The following ADARB2 variants were observed in gnomAD, a reference collection of about 807,000 sequenced individuals.
The protein encoded by ADARB2 is inactive double-stranded RNA-specific editase B2.
Under a neutral mutation model 62.2 loss-of-function variants are expected in ADARB2, and 25 were observed. The ratio of observed to expected loss-of-function variants is 0.40; its 90% CI spans 0.29 to 0.56. The LOEUF is 0.56. Among genes scored for constraint, ADARB2 ranks in the 20% least tolerant of loss-of-function variants. ADARB2 has a pLI of 0.43. For synonymous variants in ADARB2, 572 were observed against 500.8 expected (o/e 1.14, Z -1.90); for missense variants, 1,071 against 1,077.4 (o/e 0.99, Z 0.08).
chr10:1,521,121 C>G (rs1378749931), intron 1 of ADARB2, among the ~76,000 whole-genome samples: 1 of 152,112 alleles, frequency 6.6e-6, no homozygotes, highest in Non-Finnish European at 1.5e-5. Context: ...TACAGGCGGC[C>G]CGGAGTCGGG....
chr10:1,657,234 A>T (rs1834183204), intron 1 of ADARB2, among the ~76,000 whole-genome samples: 1 of 152,220 alleles, frequency 6.6e-6, no homozygotes, highest in Non-Finnish European at 1.5e-5. Flanking sequence ...GCAAAAAGTT[A>T]TTAAGCAAAG....
chr10:1,223,945 G>A lies in ADARB2; in HGVS notation c.1514-6826C>T, dbSNP rs189499872. Among the ~76,000 whole-genome samples, 348 of 152,326 alleles carry A rather than the reference G, an allele frequency of 2.3e-3. 1 individual carries two copies. The highest frequency in any genetic ancestry group is 7.7e-3 in the African/African-American group (318 of 41,556). The stretch of plus-strand genomic sequence containing the variant: ...GGATGATGCTGGCCTCGTAAAATGC[G>A]TTAGGGAGGATTCCCTCTTTTTCTA... On this transcript the variant is annotated intron_variant, in intron 6 of 9. Coordinates refer to ENST00000381312, the MANE Select transcript of ADARB2 (RefSeq NM_018702.4).
chr10:1,227,531 A>C (rs1830759417), intron 6 of ADARB2, among the ~76,000 whole-genome samples: 1 of 152,214 alleles, frequency 6.6e-6, no homozygotes, highest in African/African-American at 2.4e-5. Context: ...AGCTGTTCCT[A>C]TTCGGCCATC....
chr10:1,505,587 A>G (rs1831835055), intron 1 of ADARB2, among the ~76,000 whole-genome samples: 2 of 152,130 alleles, frequency 1.3e-5, no homozygotes. Context: ...TAGCCTCACC[A>G]TGCCCCAGCC....
At chr10:1,445,422 C>T (rs1830958326) in intron 1 of ADARB2, among the ~76,000 whole-genome samples, 1 of 150,260 alleles carries the variant, frequency 6.7e-6, no homozygotes, top group African/African-American at 2.4e-5. Flanking sequence ...TCCATCCTTC[C>T]ATCTATCCAC....
intron 4 of ADARB2, among the ~76,000 whole-genome samples, chr10:1,254,470 A>G (rs1831063300): frequency 6.6e-6 from 1 of 152,196 alleles, no homozygotes; most frequent in Non-Finnish European, 1.5e-5. Context: ...TGATCAGAGG[A>G]ATCTTTTGGT....
chr10:1,418,858 T>G (rs919328535), intron 1 of ADARB2, among the ~76,000 whole-genome samples: 36 of 152,172 alleles, frequency 2.4e-4, no homozygotes, highest in African/African-American at 8.7e-4. Context: ...TTTTTGTCAG[T>G]TGTCTTGGAA....
rs199719761 is a variant in ADARB2 at position 1,669,509 on chromosome 10, G to GAC, written c.100+67540_100+67541dup. On this transcript the variant is annotated intron_variant, in intron 1 of 9. Coordinates refer to ENST00000381312, the MANE Select transcript of ADARB2 (RefSeq NM_018702.4). ...ACACACTCACAGGGAGACACAGCTAGACACACAGACACACTCACAGAGAAA... is the reference window on the plus strand; with the variant it reads ...ACACACTCACAGGGAGACACAGCTAGACACACACAGACACACTCACAGAGAAA... Among the ~76,000 whole-genome samples, 497 of 149,664 alleles carry GAC rather than the reference G, an allele frequency of 3.3e-3. 4 individuals are homozygous for GAC. Among genetic ancestry groups the GAC allele is most frequent in the African/African-American group, 0.012 (470 of 40,606 alleles).
chr10:1,537,149 C>T (rs1433985898), intron 1 of ADARB2, among the ~76,000 whole-genome samples: 1 of 152,052 alleles, frequency 6.6e-6, no homozygotes, highest in African/African-American at 2.4e-5. Flanking sequence ...AAAAGTCGGC[C>T]AAGGATATGA....
chr10:1,233,973 TTTTCC>T lies in ADARB2; in HGVS notation c.1362-133_1362-129del, dbSNP rs1250884498. ...TTTTCCTTTATATTTTTCCTTTTTT[TTTTCC>T]TTTTTTTTTTGAGACGGAGTCTTGT... On this transcript the variant is annotated intron_variant, in intron 5 of 9. Transcript: ENST00000381312. 4,565 of 833,766 alleles carry T rather than the reference TTTTCC, an allele frequency of 5.5e-3. 19 individuals carry two copies. Among genetic ancestry groups the T allele is most frequent in the South Asian group, 0.012 (412 of 34,440 alleles). The allele number at this position is 833,766 out of a possible 1,614,324, so 51.6% of individuals were successfully genotyped here. A position where few individuals can be genotyped will look rare whatever the true frequency, so the allele number is the denominator to read the frequency against.
intron 1 of ADARB2, among the ~76,000 whole-genome samples, chr10:1,453,393 G>C (rs1038281306): frequency 6.6e-6 from 1 of 152,140 alleles, no homozygotes; most frequent in Non-Finnish European, 1.5e-5. Flanking sequence ...GAAGGTTTTA[G>C]CTCTTACATT....
intron 7 of ADARB2, among the ~76,000 whole-genome samples, chr10:1,206,327 A>T (rs1837065151): frequency 6.6e-6 from 1 of 152,114 alleles, no homozygotes; most frequent in African/African-American, 2.4e-5. Context: ...TTTCTGGGAC[A>T]TGCGGCGTCT....
intron 3 of ADARB2, among the ~76,000 whole-genome samples, chr10:1,329,929 CTTTTTTTTTTT>C (rs370355543): frequency 0.026 from 2,591 of 100,314 alleles, 117 homozygotes; most frequent in African/African-American, 0.08. Context: ...GAAGAAGTGC[CTTTTTTTTTTT>C]TTTTTTTTTT....
At chr10:1,447,475 C>G (rs1830985116) in intron 1 of ADARB2, among the ~76,000 whole-genome samples, 1 of 152,132 alleles carries the variant, frequency 6.6e-6, no homozygotes, top group Non-Finnish European at 1.5e-5. Flanking sequence ...CCAGGCAGAA[C>G]ACAATGGGAA....
chr10:1,723,186 C>T (rs115271305), intron 1 of ADARB2, among the ~76,000 whole-genome samples: 2 of 152,226 alleles, frequency 1.3e-5, no homozygotes, highest in African/African-American at 4.8e-5. Context: ...TGCTAACACA[C>T]TGTTTCTGAG....
At position 1,578,217 on chromosome 10, in the gene ADARB2, C is replaced by T. The variant is rs545216942; in HGVS notation, c.100+158834G>A. 6.6e-5 allele frequency among the ~76,000 whole-genome samples: 10 copies of T among 152,202 alleles called. No individual in the cohort carries two copies. The East Asian group carries it at 9.7e-4, about 15-fold the overall frequency. The stretch of plus-strand genomic sequence containing the variant: ...ACTTCCCGCAGCGGAACAGATGGCA[C>T]GTGCAGAGGCAGGAGGGCCAGGCAG... On this transcript the variant is annotated intron_variant, in intron 1 of 9. Coordinates refer to ENST00000381312, the MANE Select transcript of ADARB2 (RefSeq NM_018702.4).
chr10:1,357,013 G>A (rs987811073), intron 3 of ADARB2, among the ~76,000 whole-genome samples: 1 of 152,156 alleles, frequency 6.6e-6, no homozygotes, highest in Non-Finnish European at 1.5e-5. Context: ...GGTTCTTCTA[G>A]GGCCCCCACT....
chr10:1,429,329 G>C (rs1830754112), intron 1 of ADARB2, among the ~76,000 whole-genome samples: 12 of 152,304 alleles, frequency 7.9e-5, no homozygotes, highest in Non-Finnish European at 1.6e-4. Flanking sequence ...TGCTGTTTTA[G>C]CTGATGAAAT....
chr10:1,498,406 A>ATAAG (rs1831719885), intron 1 of ADARB2, among the ~76,000 whole-genome samples: 1 of 141,240 alleles, frequency 7.1e-6, no homozygotes, highest in African/African-American at 2.5e-5. Flanking sequence ...AAATAAATAA[A>ATAAG]TAAGTAATTT....
Sources: allele counts gnomAD v4.1 joint callset (sites outside exome capture counted in the v4.1 genomes callset), GRCh38; gene constraint gnomAD v4.1.1; transcripts MANE v1.5; gene names NCBI Gene and HGNC (gene_info 2026-07-23, HGNC 2026-07-21).